Variants in ANO3 observed in about 807,000 individuals in gnomAD.
The protein encoded by ANO3 is anoctamin 3, also known as anoctamin-3.
ANO3 carries 99 observed loss-of-function variants against 144.8 expected under a neutral mutation model. That is an observed-to-expected ratio of 0.68 (90% confidence interval 0.58 to 0.81). The LOEUF is 0.81. ANO3 is among the 30% of genes least tolerant of loss of function. The pLI, the probability that ANO3 is intolerant of heterozygous loss-of-function variation, is 0.00. For synonymous variants in ANO3, 414 were observed against 392.6 expected (o/e 1.05, Z -0.64); for missense variants, 905 against 1,202.2 (o/e 0.75, Z 3.66).
intron 3 of ANO3, among the ~76,000 whole-genome samples, chr11:26,444,233 A>T (rs183758067): frequency 3.0e-4 from 46 of 152,316 alleles, no homozygotes; most frequent in South Asian, 2.3e-3. Flanking sequence ...TTCCTATAAC[A>T]GTGACAAGTT....
chr11:26,578,468 G>A (rs1328602435), intron 14 of ANO3, among the ~76,000 whole-genome samples: 1 of 152,260 alleles, frequency 6.6e-6, no homozygotes, highest in Non-Finnish European at 1.5e-5. Flanking sequence ...AGAAGGTGAA[G>A]GGATACAAAA....
chr11:26,255,433 C>T (rs921460844), intron 1 of ANO3, among the ~76,000 whole-genome samples: 2 of 152,240 alleles, frequency 1.3e-5, no homozygotes, highest in African/African-American at 4.8e-5. Flanking sequence ...GTGTATGGAA[C>T]ATTGATGGCA....
At chr11:26,557,087 G>T (rs2134238077) in intron 13 of ANO3, among the ~76,000 whole-genome samples, 1 of 152,202 alleles carries the variant, frequency 6.6e-6, no homozygotes, top group African/African-American at 2.4e-5. Flanking sequence ...AGGTGTCAAA[G>T]AAAATGGACA....
intron 1 of ANO3, among the ~76,000 whole-genome samples, chr11:26,222,209 CACACAAGTCTGAA>C (rs1246290093): frequency 6.6e-6 from 1 of 152,224 alleles, no homozygotes; most frequent in Non-Finnish European, 1.5e-5. Context: ...CTATAGGCCC[CACACAAGTCTGAA>C]ACACAGAAGA....
At chr11:26,642,069 A>G in intron 22 of ANO3, 40 bp downstream of exon 22, 3 of 1,587,914 alleles carry the variant, frequency 1.9e-6, no homozygotes, top group Non-Finnish European at 1.7e-6. Flanking sequence ...GGCCTTCTTG[A>G]TACAATTTTT....
intron 17 of ANO3, among the ~76,000 whole-genome samples, chr11:26,602,602 T>G (rs1397386983): frequency 3.2e-4 from 47 of 149,096 alleles, no homozygotes; most frequent in African/African-American, 1.1e-3. Context: ...TTTTTTTTTT[T>G]AAAGCCAAGT....
chr11:26,516,662 C>A (rs1402932966), intron 5 of ANO3, among the ~76,000 whole-genome samples, 165 bp from the exon 6 acceptor site: 1 of 150,704 alleles, frequency 6.6e-6, no homozygotes, highest in Non-Finnish European at 1.5e-5. Flanking sequence ...TTATCAAGGT[C>A]TTTCTTCATT....
chr11:26,595,669 T>C (rs921968982), intron 14 of ANO3, among the ~76,000 whole-genome samples: 10 of 151,998 alleles, frequency 6.6e-5, no homozygotes, highest in African/African-American at 2.2e-4. Context: ...AGGGAGTTCC[T>C]CCTAGGTCTG....
intron 1 of ANO3, among the ~76,000 whole-genome samples, chr11:26,227,923 C>A (rs11605772): frequency 0.35 from 52,572 of 151,894 alleles, 10,169 homozygotes; most frequent in Non-Finnish European, 0.43. Flanking sequence ...AAAGTCAGCC[C>A]AAAGTAAAAG....
intron 17 of ANO3, among the ~76,000 whole-genome samples, chr11:26,622,966 G>A (rs1162933565): frequency 2.0e-5 from 3 of 152,146 alleles, no homozygotes; most frequent in Non-Finnish European, 4.4e-5. Flanking sequence ...CTATCCTATT[G>A]TACTCCTTGG....
At chr11:26,506,185 G>A (rs1861429658) in intron 4 of ANO3, among the ~76,000 whole-genome samples, 1 of 152,020 alleles carries the variant, frequency 6.6e-6, no homozygotes, top group Admixed American at 6.6e-5. Context: ...CGTAAAAGCT[G>A]GAAATGGCCT....
At chr11:26,496,421 T>A (rs560256743) in intron 4 of ANO3, among the ~76,000 whole-genome samples, 27 of 152,212 alleles carry the variant, frequency 1.8e-4, no homozygotes, top group Non-Finnish European at 3.8e-4. Flanking sequence ...CAGATGTCCT[T>A]GGAGGTAATA....
intron 18 of ANO3, among the ~76,000 whole-genome samples, chr11:26,625,015 C>G (rs1852535800): frequency 6.6e-6 from 1 of 151,756 alleles, no homozygotes. Flanking sequence ...AGCTGCACCT[C>G]GCAGGTTCAC....
chr11:26,623,207 G>A (rs940311163), intron 17 of ANO3, among the ~76,000 whole-genome samples: 6 of 152,160 alleles, frequency 3.9e-5, no homozygotes, highest in South Asian at 4.1e-4. Flanking sequence ...TTAGGAAGGG[G>A]CAGATTTGAA....
At chr11:26,563,229 A>C in intron 14 of ANO3, 1 of 1,610,672 alleles carries the variant, frequency 6.2e-7, no homozygotes, top group South Asian at 1.1e-5. Flanking sequence ...AATAGCACCT[A>C]AAATGGCCCC....
At chr11:26,446,383 T>C (rs964175361) in intron 3 of ANO3, among the ~76,000 whole-genome samples, 2 of 152,210 alleles carry the variant, frequency 1.3e-5, no homozygotes, top group Admixed American at 6.5e-5. Context: ...GACTAATGCA[T>C]CTTATTAATG....
upstream of ANO3, among the ~76,000 whole-genome samples, chr11:26,330,306 ATTC>A (rs1469597365): frequency 1.3e-5 from 2 of 152,130 alleles, no homozygotes; most frequent in Non-Finnish European, 2.9e-5. Flanking sequence ...CAAGTCATTT[ATTC>A]TTCTCGGTTT....
At chr11:26,476,897 GTGTGTA>G (rs1418707076) in intron 4 of ANO3, among the ~76,000 whole-genome samples, 173 of 122,830 alleles carry the variant, frequency 1.4e-3, no homozygotes, top group African/African-American at 4.9e-3. Context: ...TTTTGTGTGT[GTGTGTA>G]TGTGTGTGTG....
At chr11:26,309,770 A>C in intron 1 of ANO3, 1 of 917,868 alleles carries the variant, frequency 1.1e-6, no homozygotes, top group African/African-American at 1.8e-5. Flanking sequence ...CTGTTCTTCA[A>C]TATAATGTGG....
Sources: allele counts gnomAD v4.1 joint callset (sites outside exome capture counted in the v4.1 genomes callset), GRCh38; gene constraint gnomAD v4.1.1; transcripts MANE v1.5; gene names NCBI Gene and HGNC (gene_info 2026-07-23, HGNC 2026-07-21).